The following ACBD4 variants were observed in gnomAD, a reference collection of about 807,000 sequenced individuals.
ACBD4 encodes acyl-CoA-binding domain-containing protein 4.
In ACBD4, 41 loss-of-function variants were observed where a neutral mutation model predicts 46.0. The ratio of observed to expected loss-of-function variants is 0.89; its 90% CI spans 0.69 to 1.16. The LOEUF is 1.16. Among genes scored for constraint, ACBD4 ranks in the 50% most tolerant of loss-of-function variants. The probability of loss-of-function intolerance (pLI) is 0.00; values close to 1 mark genes in which losing one functional copy is unlikely to be tolerated. For synonymous variants in ACBD4, 162 were observed against 155.9 expected, an observed-to-expected ratio of 1.04 and a Z score of -0.29; for missense variants, 393 against 399.5, an observed-to-expected ratio of 0.98 and a Z score of 0.14.
chr17:45,134,768 C>A (rs184935195), upstream of ACBD4, among the ~76,000 whole-genome samples: 61 of 151,694 alleles, frequency 4.0e-4, no homozygotes, highest in Middle Eastern at 6.9e-3. Flanking sequence ...GAGTGAGACT[C>A]CGTCTCAAAA....
At chr17:45,132,691 G>A (rs544309180), upstream of ACBD4, 12 of 214,000 alleles carry the variant, frequency 5.6e-5, no homozygotes, top group Admixed American at 2.3e-4. This position sits in a 1 kb window ranked among gnomAD's most constrained non-coding sequence, Gnocchi z 4.6. Context: ...TAGTCCGGGC[G>A]AGCCTCTGAT....
chr17:45,138,277 T>A (rs1453804572), intron 8 of ACBD4: 3 of 541,878 alleles, frequency 5.5e-6, no homozygotes, highest in Non-Finnish European at 1.0e-5. Flanking sequence ...CACCTACAGC[T>A]GCACAGCCTC....
intron 9 of ACBD4, among the ~76,000 whole-genome samples, chr17:45,139,472 G>A (rs904623148): frequency 6.6e-6 from 1 of 152,302 alleles, no homozygotes; most frequent in East Asian, 1.9e-4. Flanking sequence ...CATTGAGGAT[G>A]CGGGTCCCTA....
Position 45,135,821 on chromosome 17 carries a change from G to C in ACBD4, c.-170G>C, listed in dbSNP as rs2054786763. The C allele has an allele frequency of 3.4e-6, 1 of 292,536 alleles. No individual in the cohort carries two copies. 18.1% of individuals were successfully genotyped at this position (292,536 alleles called of 1,614,324 possible). ...GCCCCGCCCTGAGTACTCCTATCTT[G>C]TTTCTCCACCTGTTCGGGAGTTGGA... On this transcript the variant is annotated 5_prime_UTR_variant, in exon 1 of 10. Transcript: ENST00000321854.
intron 8 of ACBD4, 24 bp downstream of exon 8, chr17:45,138,012 C>T: frequency 6.2e-7 from 1 of 1,601,904 alleles, no homozygotes; most frequent in Non-Finnish European, 8.5e-7. Context: ...CAACCTCTCA[C>T]CCACTTCTGC....
At chr17:45,132,273 G>A (rs753795826), upstream of ACBD4, 6 of 1,274,788 alleles carry the variant, frequency 4.7e-6, no homozygotes, top group Non-Finnish European at 5.9e-6. This position sits in a 1 kb window ranked among gnomAD's most constrained non-coding sequence, Gnocchi z 4.6. Flanking sequence ...CCCGCAGCCC[G>A]GGCCTCTTGG....
chr17:45,132,564 CG>C (rs1567888810), upstream of ACBD4: 2 of 20,900 alleles, frequency 9.6e-5, no homozygotes, highest in African/African-American at 3.7e-4. The surrounding 1 kb of genome is among the most constrained non-coding windows in gnomAD (Gnocchi z 4.6). Flanking sequence ...GGAGGTGGGG[CG>C]GGGCGGGGCG....
At chr17:45,136,328 A>T in intron 2 of ACBD4, 96 bp downstream of exon 2, 7 of 1,549,434 alleles carry the variant, frequency 4.5e-6, no homozygotes, top group Non-Finnish European at 6.2e-6. Flanking sequence ...GTTTTTGCAG[A>T]CAAGCCCCTG....
At chr17:45,134,786 TAAATA>T (rs1339098448), upstream of ACBD4, among the ~76,000 whole-genome samples, 3 of 151,656 alleles carry the variant, frequency 2.0e-5, no homozygotes, top group South Asian at 2.1e-4. Flanking sequence ...AAAAAATAAA[TAAATA>T]AAATAAAATA....
At position 45,135,719 on chromosome 17, in the gene ACBD4, A is replaced by AC. The variant is rs1169700687; in HGVS notation, c.-269dup. On this transcript the variant is annotated 5_prime_UTR_variant, in exon 1 of 10. Coordinates refer to ENST00000321854, the MANE Select transcript of ACBD4 (RefSeq NM_001135705.3). The stretch of plus-strand genomic sequence containing the variant: ...AGCCGCGGGGTGGTGGCGAGAGAGG[A>AC]CCCAGGTGTCCTGGCAGTGGGCGCC... 3 of 160,592 alleles carry AC rather than the reference A, an allele frequency of 1.9e-5. No individual in the cohort carries two copies. The highest frequency in any genetic ancestry group is 7.2e-5 in the African/African-American group (3 of 41,584). The allele number at this position is 160,592 out of a possible 1,614,324, so 9.9% of individuals were successfully genotyped here. A position where few individuals can be genotyped will look rare whatever the true frequency, so the allele number is the denominator to read the frequency against.
chr17:45,138,565 C>T, intron 8 of ACBD4: 1 of 185,740 alleles, frequency 5.4e-6, no homozygotes, highest in Non-Finnish European at 1.1e-5. Context: ...CCAAGGCAGG[C>T]AGATCACCTG....
chr17:45,131,634 C>T (rs1273633194), upstream of ACBD4, among the ~76,000 whole-genome samples: 2 of 152,232 alleles, frequency 1.3e-5, no homozygotes, highest in African/African-American at 4.8e-5. Flanking sequence ...CCTGTGTAAC[C>T]CACCCAGTGC....
chr17:45,136,729 G>A lies in ACBD4; in HGVS notation c.247G>A (p.Glu83Lys), dbSNP rs760928199. 1.9e-6 allele frequency: 3 copies of A among 1,613,966 alleles called. No individual in the cohort carries two copies. Among genetic ancestry groups the A allele is most frequent in the Admixed American group, 3.3e-5 (2 of 60,034 alleles). Reference sequence around the variant, plus strand: ...CAGTCTGGGCAAGATGAGCAGGGAGGAGGCCATGTCTGCCTACATCACTGA... The same window carrying A: ...CAGTCTGGGCAAGATGAGCAGGGAGAAGGCCATGTCTGCCTACATCACTGA... ...WNSLGKMSRE[E>K]AMSAYITEMK... is the part of the protein sequence containing the mutation. The change falls in exon 4 of 10, where the codon GAG (glutamate) becomes AAG (lysine). Residue 83 changes from glutamate to lysine, a missense_variant. By Grantham distance (56) the Glu-to-Lys change is moderately conservative. Around this residue, in one of 3 missense-constraint regions of ACBD4, gnomAD observed 308 missense variants for 301.8 expected, o/e 1.02. Transcript: ENST00000321854.
At chr17:45,132,412 G>C, upstream of ACBD4, 1 of 1,215,814 alleles carries the variant, frequency 8.2e-7, no homozygotes, top group Non-Finnish European at 1.0e-6. The surrounding 1 kb of genome is among the most constrained non-coding windows in gnomAD (Gnocchi z 4.6). Flanking sequence ...GCACAGCATG[G>C]CTTGGCGGGG....
chr17:45,142,650 G>A (rs974472503), intron 9 of ACBD4: 6 of 177,256 alleles, frequency 3.4e-5, no homozygotes, highest in African/African-American at 9.8e-5. Flanking sequence ...CCGCCTCCCC[G>A]GGTTCAAGCA....
chr17:45,136,068 G>C, intron 1 of ACBD4, 40 bp from the exon 2 acceptor site: 1 of 1,474,038 alleles, frequency 6.8e-7, no homozygotes, highest in Non-Finnish European at 9.3e-7. Flanking sequence ...GTGCCGGGGG[G>C]ACCCTGGAGG....
upstream of ACBD4, among the ~76,000 whole-genome samples, chr17:45,133,571 G>A (rs566856859): frequency 1.9e-3 from 208 of 109,912 alleles, no homozygotes; most frequent in African/African-American, 7.4e-3. Context: ...TCGCTCCGTC[G>A]CCCAGGCTGG....
chr17:45,137,390 T>C lies in ACBD4; in HGVS notation c.438T>C (p.Asn146=). 1 of 1,613,914 alleles carries C rather than the reference T, an allele frequency of 6.2e-7. No individual in the cohort carries two copies. The highest frequency in any genetic ancestry group is 8.5e-7 in the Non-Finnish European group (1 of 1,179,928). The change falls in exon 6 of 10, where the codon AAT becomes AAC. Residue 146 remains asparagine (N), a synonymous_variant. Transcript: ENST00000321854. Reference sequence around the variant, plus strand: ...CAGGTTGGAAAGAGCAGGTTGTGAATGGAGATGTTGGGGCTGTTTCAGAGC... The same window carrying C: ...CAGGTTGGAAAGAGCAGGTTGTGAACGGAGATGTTGGGGCTGTTTCAGAGC... ...RVTGWKEQVV[N]GDVGAVSEPP... is the part of the protein sequence containing the mutation.
chr17:45,137,996 C>T lies in ACBD4; in HGVS notation c.649+8C>T. ...TGCCCCCCACAAAGAAAGGTGAGCT[C>T]CTACCCAACCTCTCACCCACTTCTG... On this transcript the variant is annotated splice_region_variant and intron_variant, in intron 8 of 9. Transcript: ENST00000321854. 1.2e-6 allele frequency: 2 copies of T among 1,611,466 alleles called. No individual in the cohort carries two copies. The highest frequency in any genetic ancestry group is 1.7e-6 in the Non-Finnish European group (2 of 1,179,082).
Sources: allele counts gnomAD v4.1 joint callset (sites outside exome capture counted in the v4.1 genomes callset), GRCh38; gene constraint gnomAD v4.1.1; regional missense constraint gnomAD v4.1.1; non-coding constraint Gnocchi (gnomAD v3.1); transcripts MANE v1.5; gene names NCBI Gene and HGNC (gene_info 2026-07-23, HGNC 2026-07-21).